NHS: variants seen among roughly 807,000 people sequenced by gnomAD.
NHS encodes actin remodeling regulator NHS.
A neutral mutation model predicts 72.5 loss-of-function variants in NHS; 5 were observed. That is an observed-to-expected ratio of 0.07 (90% CI 0.04 to 0.14). The LOEUF (loss-of-function observed/expected upper bound fraction) is 0.14. Among genes scored for constraint, NHS ranks in the 10% least tolerant of loss-of-function variants. The pLI is 1.00. For synonymous variants in NHS, 464 were observed against 547.7 expected (o/e 0.85, Z 2.13); for missense variants, 1,072 against 1,355.7 (o/e 0.79, Z 3.29).
rs181014513 is a variant in NHS at position 17,486,823 on chromosome X, C to A, written c.565+110501C>A. On this transcript the variant is annotated intron_variant, in intron 1 of 8. Coordinates refer to ENST00000676302, the MANE Select transcript of NHS (RefSeq NM_001291867.2). ...ATGTTACTGTGTGCCAGGCACTGTTCTAAGCATTTTCCATGCTTAGAACAT... is the reference window on the plus strand; with the variant it reads ...ATGTTACTGTGTGCCAGGCACTGTTATAAGCATTTTCCATGCTTAGAACAT... Among the ~76,000 whole-genome samples the A allele has an allele frequency of 4.3e-3, 478 of 112,100 alleles. 1 individual carries two copies. Among genetic ancestry groups the A allele is most frequent in the Non-Finnish European group, 7.6e-3 (407 of 53,225 alleles).
At chrX:17,428,795 C>T (rs904656880) in intron 1 of NHS, among the ~76,000 whole-genome samples, 2 of 111,318 alleles carry the variant, frequency 1.8e-5, no homozygotes, top group African/African-American at 6.5e-5. Flanking sequence ...TTCCTGGTTT[C>T]CAGCCTTTTT....
At chrX:17,456,084 C>T (rs1420683013) in intron 1 of NHS, among the ~76,000 whole-genome samples, 1 of 111,905 alleles carries the variant, frequency 8.9e-6, no homozygotes, top group African/African-American at 3.3e-5. Context: ...CCAGAAGAGA[C>T]GCTGTGTCTT....
intron 1 of NHS, among the ~76,000 whole-genome samples, chrX:17,475,084 GAGAAT>G (rs2064910448): frequency 8.9e-6 from 1 of 111,869 alleles, no homozygotes; most frequent in African/African-American, 3.3e-5. Flanking sequence ...AATAGAGACA[GAGAAT>G]AGAAGGATGA....
Position 17,727,578 on chromosome X carries a change from A to C in NHS, c.3472A>C (p.Asn1158His), listed in dbSNP as rs1208561540. The C allele has an allele frequency of 8.3e-7, 1 of 1,211,458 alleles. No individual in the cohort carries two copies. The highest frequency in any genetic ancestry group is 1.7e-5 in the African/African-American group (1 of 57,713). ...TGAAGAAGTTAAGCAAAAAGAAGAAAACAATACAGATCTCCCTTATTTAGA... is the reference window on the plus strand; with the variant it reads ...TGAAGAAGTTAAGCAAAAAGAAGAACACAATACAGATCTCCCTTATTTAGA... Reference protein sequence around the residue: ...KSEEVKQKEENNTDLPYLEES... With the variant: ...KSEEVKQKEEHNTDLPYLEES... Residue 1158 changes from asparagine (N) to histidine (H), a missense_variant, in exon 7 of 9, where the codon AAC becomes CAC. Asn to His is a moderately conservative substitution (Grantham distance 68, BLOSUM62 1). Transcript: ENST00000676302.
At chrX:17,427,248 C>T (rs2064661708) in intron 1 of NHS, among the ~76,000 whole-genome samples, 1 of 111,442 alleles carries the variant, frequency 9.0e-6, no homozygotes, top group Non-Finnish European at 1.9e-5. Context: ...AGACCAAATC[C>T]ACCTTTATGG....
intron 1 of NHS, among the ~76,000 whole-genome samples, chrX:17,435,269 C>T (rs2064716243): frequency 9.0e-6 from 1 of 111,710 alleles, no homozygotes; most frequent in Non-Finnish European, 1.9e-5. Context: ...ATTAGAATGG[C>T]AGGCTCAAAG....
intron 1 of NHS, among the ~76,000 whole-genome samples, chrX:17,570,228 G>A (rs2065468247): frequency 8.9e-6 from 1 of 111,923 alleles, no homozygotes; most frequent in Non-Finnish European, 1.9e-5. Context: ...TAGCTTGATG[G>A]GGATAAAATT....
At position 17,725,950 on chromosome X, in the gene NHS, T is replaced by A; in HGVS notation, c.1844T>A (p.Val615Asp). Residue 615 changes from valine (V) to aspartate (D), a missense_variant, in exon 7 of 9, where the codon GTC becomes GAC. By Grantham distance (152) the Val-to-Asp change is radical. Transcript: ENST00000676302. ...SPIHCISTAGVLLSSHMDQKD... is the reference protein window; with the variant it reads ...SPIHCISTAGDLLSSHMDQKD... The stretch of plus-strand genomic sequence containing the variant: ...ATCCACTGCATCTCCACGGCTGGCG[T>A]CCTCCTTAGCAGCCACATGGACCAG... 1 of 1,211,409 alleles carries A rather than the reference T, an allele frequency of 8.3e-7. No homozygotes were observed. The highest frequency in any genetic ancestry group is 1.1e-6 in the Non-Finnish European group (1 of 895,377).
intron 3 of NHS, among the ~76,000 whole-genome samples, chrX:17,711,030 T>C (rs1421045877): frequency 1.8e-5 from 2 of 112,330 alleles, no homozygotes; most frequent in African/African-American, 6.5e-5. Context: ...TTCTGTTGAC[T>C]CACATTTCCA....
chrX:17,718,744 AGAGG>A (rs1227712361), intron 3 of NHS, among the ~76,000 whole-genome samples: 24 of 87,151 alleles, frequency 2.8e-4, no homozygotes, highest in African/African-American at 9.0e-4. Context: ...AAGGAAGGAA[AGAGG>A]GAGGGAAGAA....
chrX:17,464,875 G>T (rs1274508252), intron 1 of NHS, among the ~76,000 whole-genome samples: 1 of 112,330 alleles, frequency 8.9e-6, no homozygotes, highest in Non-Finnish European at 1.9e-5. Context: ...TGTCATGGTA[G>T]CGGTGCATCT....
intron 1 of NHS, among the ~76,000 whole-genome samples, chrX:17,644,930 G>A (rs1190660423): frequency 1.8e-5 from 2 of 110,590 alleles, no homozygotes; most frequent in Non-Finnish European, 3.8e-5. Context: ...CGTCTCTCAA[G>A]GCAGCCATTC....
At chrX:17,437,529 G>C (rs1224807755) in intron 1 of NHS, among the ~76,000 whole-genome samples, 2 of 111,439 alleles carry the variant, frequency 1.8e-5, no homozygotes, top group African/African-American at 3.3e-5. Context: ...ATGGGGCCCA[G>C]ATCCAGGACA....
At chrX:17,678,141 A>G (rs1160217511) in intron 1 of NHS, among the ~76,000 whole-genome samples, 2 of 111,795 alleles carry the variant, frequency 1.8e-5, no homozygotes, top group African/African-American at 6.5e-5. Context: ...TATATATGCT[A>G]TATCTCAACT....
intron 1 of NHS, among the ~76,000 whole-genome samples, chrX:17,632,264 G>A (rs1216817294): frequency 4.5e-5 from 5 of 111,534 alleles, no homozygotes; most frequent in African/African-American, 1.3e-4. Context: ...TGAATGAGTT[G>A]GTGAAGTTCA....
chrX:17,456,870 G>A (rs773191059), intron 1 of NHS, among the ~76,000 whole-genome samples: 10 of 111,815 alleles, frequency 8.9e-5, no homozygotes, highest in Non-Finnish European at 1.3e-4. Context: ...CTACAAGAGC[G>A]GATTGGGAGA....
chrX:17,634,928 C>T (rs1210286543), intron 1 of NHS, among the ~76,000 whole-genome samples: 2 of 111,757 alleles, frequency 1.8e-5, no homozygotes, highest in Non-Finnish European at 3.8e-5. Context: ...TGGGTGGCAA[C>T]CTGGGGCAGC....
chrX:17,568,927 G>C (rs1176809286), intron 1 of NHS, among the ~76,000 whole-genome samples: 2 of 109,299 alleles, frequency 1.8e-5, no homozygotes, highest in African/African-American at 6.7e-5. Context: ...TTGGTTTTCT[G>C]ACCTTGTGAT....
At chrX:17,523,174 T>A (rs1389877637) in intron 1 of NHS, among the ~76,000 whole-genome samples, 1 of 111,335 alleles carries the variant, frequency 9.0e-6, no homozygotes, top group Admixed American at 9.5e-5. Flanking sequence ...GTAGGGGTGG[T>A]AGTGGGGAAG....
Sources: gnomAD v4.1 joint callset for allele counts (sites outside exome capture counted in the v4.1 genomes callset) on GRCh38, gnomAD v4.1.1 for gene constraint, MANE v1.5 for transcripts, NCBI Gene and HGNC (gene_info 2026-07-23, HGNC 2026-07-21) for gene names.